HTR2C: variants seen among roughly 807,000 people sequenced by gnomAD.
HTR2C encodes 5-hydroxytryptamine (serotonin) receptor 2C, G protein-coupled.
A neutral mutation model predicts 21.0 loss-of-function variants in HTR2C; 5 were observed. The observed-to-expected ratio is 0.24, with a 90% confidence interval of 0.12 to 0.50. HTR2C has a LOEUF of 0.50. HTR2C is among the 20% of genes least tolerant of loss of function. The pLI, the probability that HTR2C is intolerant of heterozygous loss-of-function variation, is 0.98. For missense variants in HTR2C, 271 were observed against 371.2 expected (o/e 0.73, Z 2.22); for synonymous variants, 150 against 145.3 (o/e 1.03, Z -0.23).
At chrX:114,806,989 C>T (rs182467075) in intron 4 of HTR2C, among the ~76,000 whole-genome samples, 1,178 of 87,377 alleles carry the variant, frequency 0.013, 85 homozygotes, top group Non-Finnish European at 0.02. Context: ...ATATATACCA[C>T]ATATATATAC....
chrX:114,907,393 G>A lies in HTR2C; in HGVS notation c.1355G>A (p.Ser452Asn). 8.3e-7 allele frequency: 1 copy of A among 1,203,054 alleles called. No homozygotes were observed. Among genetic ancestry groups the A allele is most frequent in the Non-Finnish European group, 1.1e-6 (1 of 887,553 alleles). ...CCAGTAAATCCCTCCAGTGTGGTTA[G>A]CGAAAGGATTAGCAGTGTGTGAGAA... ...ELPVNPSSVV[S>N]ERISSV Residue 452 changes from serine (S) to asparagine (N), a missense_variant, in exon 6 of 6, where the codon AGC becomes AAC. Coordinates refer to ENST00000276198, the MANE Select transcript of HTR2C (RefSeq NM_000868.4).
At chrX:114,616,942 C>A (rs1261051593) in intron 2 of HTR2C, among the ~76,000 whole-genome samples, 2 of 112,230 alleles carry the variant, frequency 1.8e-5, no homozygotes, top group East Asian at 5.6e-4. Context: ...TCTACATTGT[C>A]AAAACATGAT....
At chrX:114,832,435 C>G (rs1391969359) in intron 4 of HTR2C, among the ~76,000 whole-genome samples, 1 of 25,294 alleles carries the variant, frequency 4.0e-5, no homozygotes, top group Non-Finnish European at 8.9e-5. Context: ...AGTTGGATTC[C>G]TAGGTATTTT....
chrX:114,735,986 A>G (rs1338238754), intron 4 of HTR2C, among the ~76,000 whole-genome samples: 4 of 110,137 alleles, frequency 3.6e-5, no homozygotes, highest in African/African-American at 1.3e-4. Flanking sequence ...GGTGGTGGGC[A>G]CCTGTGGTCC....
chrX:114,846,594 T>C (rs1447149555), intron 4 of HTR2C, among the ~76,000 whole-genome samples: 1 of 111,844 alleles, frequency 8.9e-6, no homozygotes, highest in Non-Finnish European at 1.9e-5. Flanking sequence ...GAAAAAGCAT[T>C]TGCAAAAGTC....
chrX:114,807,399 CATATATATACGCCATATCTATACCAT>C (rs2070482659), intron 4 of HTR2C, among the ~76,000 whole-genome samples: 1 of 63,452 alleles, frequency 1.6e-5, no homozygotes, highest in Non-Finnish European at 2.9e-5. Context: ...ATATCTATAC[CATATATATACGCCATATCTATACCAT>C]ATATATACGC....
At chrX:114,679,843 A>T in intron 2 of HTR2C, among the ~76,000 whole-genome samples, 1 of 111,890 alleles carries the variant, frequency 8.9e-6, no homozygotes, top group South Asian at 3.7e-4. Context: ...TGCCACACTG[A>T]GCCTCCTGAA....
chrX:114,849,994 A>G (rs782550969), intron 5 of HTR2C, among the ~76,000 whole-genome samples: 1 of 112,124 alleles, frequency 8.9e-6, no homozygotes, highest in Non-Finnish European at 1.9e-5. Flanking sequence ...TTAAATAATC[A>G]TTTGGAATGT....
chrX:114,856,197 A>G (rs1457230447), intron 5 of HTR2C, among the ~76,000 whole-genome samples: 4 of 108,525 alleles, frequency 3.7e-5, no homozygotes, highest in Admixed American at 1.0e-4. Flanking sequence ...AGAGAGACAA[A>G]TCATGAGTGA....
intron 2 of HTR2C, among the ~76,000 whole-genome samples, chrX:114,635,808 T>C (rs60733260): frequency 0.022 from 2,471 of 111,944 alleles, 73 homozygotes; most frequent in African/African-American, 0.076. Flanking sequence ...GAATATTTCT[T>C]GCAGGTAAAT....
intron 4 of HTR2C, among the ~76,000 whole-genome samples, chrX:114,827,623 T>A (rs1414021250): frequency 3.6e-5 from 4 of 111,394 alleles, no homozygotes; most frequent in Non-Finnish European, 5.7e-5. Flanking sequence ...TCCTTCTGCC[T>A]GAAAAACATC....
intron 4 of HTR2C, among the ~76,000 whole-genome samples, chrX:114,764,196 C>T (rs895985459): frequency 1.8e-5 from 2 of 110,321 alleles, no homozygotes; most frequent in African/African-American, 3.3e-5. Flanking sequence ...GTTGGGAGTT[C>T]GAGACCAGCC....
At chrX:114,898,110 G>A (rs962932928) in intron 5 of HTR2C, among the ~76,000 whole-genome samples, 3 of 112,673 alleles carry the variant, frequency 2.7e-5, no homozygotes, top group Non-Finnish European at 3.7e-5. Context: ...TGGCTGACAT[G>A]AGATGATATC....
chrX:114,766,262 T>C (rs1280763036), intron 4 of HTR2C, among the ~76,000 whole-genome samples: 1 of 111,768 alleles, frequency 8.9e-6, no homozygotes, highest in African/African-American at 3.2e-5. Flanking sequence ...GTTTAGTGCT[T>C]TTGTCAATGA....
Position 114,874,645 on chromosome X carries a change from A to G in HTR2C, c.550+26442A>G, listed in dbSNP as rs1267922420. ...TGCCTTAGCCTCCCGAGTAGCTGGG[A>G]TTATAGATGTGCACCACCATGCCCG... On this transcript the variant is annotated intron_variant, in intron 5 of 5. Coordinates refer to ENST00000276198, the MANE Select transcript of HTR2C (RefSeq NM_000868.4). 2.9e-4 allele frequency among the ~76,000 whole-genome samples: 32 copies of G among 110,032 alleles called. No individual in the cohort carries two copies. The Admixed American group carries it at 3.0e-3, about 10-fold the overall frequency.
chrX:114,656,820 T>C (rs1235623884), intron 2 of HTR2C, among the ~76,000 whole-genome samples: 1 of 110,727 alleles, frequency 9.0e-6, no homozygotes, highest in African/African-American at 3.3e-5. Flanking sequence ...TCCTATAACA[T>C]GAATGTTAAC....
At chrX:114,754,622 C>T (rs1257231304) in intron 4 of HTR2C, among the ~76,000 whole-genome samples, 1 of 109,270 alleles carries the variant, frequency 9.2e-6, no homozygotes, top group East Asian at 2.9e-4. Context: ...GATACCTATA[C>T]AAAAATTAAA....
At chrX:114,797,698 T>C (rs1276824572) in intron 4 of HTR2C, among the ~76,000 whole-genome samples, 3 of 111,972 alleles carry the variant, frequency 2.7e-5, no homozygotes, top group African/African-American at 9.7e-5. Flanking sequence ...TTAATCAAGC[T>C]AAAGAAAAGT....
chrX:114,660,177 G>A (rs5988075), intron 2 of HTR2C, among the ~76,000 whole-genome samples: 1,972 of 111,575 alleles, frequency 0.018, 50 homozygotes, highest in African/African-American at 0.06. Context: ...TGAAGAATAG[G>A]AACATATAGT....
Sources: allele counts gnomAD v4.1 joint callset (sites outside exome capture counted in the v4.1 genomes callset), GRCh38; gene constraint gnomAD v4.1.1; transcripts MANE v1.5; gene names NCBI Gene and HGNC (gene_info 2026-07-23, HGNC 2026-07-21).